Variants in CSNK1A1 observed in about 807,000 individuals in gnomAD.
CSNK1A1 encodes casein kinase I isoform alpha.
A neutral mutation model predicts 46.1 loss-of-function variants in CSNK1A1; 7 were observed. That is an observed-to-expected ratio of 0.15 (90% confidence interval 0.09 to 0.29). CSNK1A1 has a LOEUF of 0.29. Ranked by LOEUF, CSNK1A1 falls within the 10% of genes least tolerant of loss-of-function variation. CSNK1A1 has a pLI of 1.00. For missense variants in CSNK1A1, 96 were observed against 417.1 expected (o/e 0.23, Z 6.71); for synonymous variants, 137 against 141.5 (o/e 0.97, Z 0.23).
intron 5 of CSNK1A1, among the ~76,000 whole-genome samples, chr5:149,512,262 T>C (rs1761248928): frequency 6.6e-6 from 1 of 152,054 alleles, no homozygotes; most frequent in African/African-American, 2.4e-5. Flanking sequence ...AACATCTATA[T>C]GAATGTATTC....
chr5:149,520,494 C>T (rs1183911948), intron 3 of CSNK1A1, 106 bp from the exon 4 acceptor site: 3 of 638,170 alleles, frequency 4.7e-6, no homozygotes, highest in Non-Finnish European at 8.1e-6. Context: ...ACAAAGACAG[C>T]GCTAAAGAAA....
intron 2 of CSNK1A1, among the ~76,000 whole-genome samples, chr5:149,531,693 CA>C (rs60488526): frequency 0.3 from 41,110 of 136,414 alleles, 6,190 homozygotes; most frequent in East Asian, 0.47. Flanking sequence ...ACTAAAAATA[CA>C]AAAAAAAAAA....
At chr5:149,509,622 T>A (rs914540129) in intron 7 of CSNK1A1, among the ~76,000 whole-genome samples, 1 of 151,924 alleles carries the variant, frequency 6.6e-6, no homozygotes, top group African/African-American at 2.4e-5. Context: ...GCTGGTCTTG[T>A]GGAACTTCTG....
At chr5:149,508,501 A>G (rs1761108175) in intron 7 of CSNK1A1, among the ~76,000 whole-genome samples, 1 of 152,256 alleles carries the variant, frequency 6.6e-6, no homozygotes, top group African/African-American at 2.4e-5. Flanking sequence ...CTGAAAGACC[A>G]TATGGCCTTC....
intron 9 of CSNK1A1, chr5:149,498,622 T>A (rs1223165603): frequency 1.0e-6 from 1 of 985,094 alleles, no homozygotes; most frequent in Non-Finnish European, 1.2e-6. Context: ...TAAACAGAAT[T>A]CCCCCATCAG....
intron 2 of CSNK1A1, among the ~76,000 whole-genome samples, chr5:149,537,918 G>A (rs1762110360): frequency 6.6e-6 from 1 of 150,816 alleles, no homozygotes; most frequent in African/African-American, 2.5e-5. Context: ...ATTTTCAGCA[G>A]GAGACAAATT....
At chr5:149,505,344 G>T in intron 9 of CSNK1A1, 103 bp downstream of exon 9, 4 of 1,448,484 alleles carry the variant, frequency 2.8e-6, no homozygotes, top group Middle Eastern at 1.9e-4. Context: ...AAATTTTTAT[G>T]TATTTTAAAA....
intron 9 of CSNK1A1, chr5:149,501,559 T>A: frequency 1.0e-6 from 1 of 985,026 alleles, no homozygotes; most frequent in Non-Finnish European, 1.2e-6. Flanking sequence ...ATATTTGTAA[T>A]CCCCTCTGAA....
At chr5:149,532,039 T>G (rs1761917404) in intron 2 of CSNK1A1, among the ~76,000 whole-genome samples, 1 of 151,972 alleles carries the variant, frequency 6.6e-6, no homozygotes, top group Admixed American at 6.6e-5. Flanking sequence ...CGACCACTCC[T>G]GGCTGATTTT....
rs904075619 is a variant in CSNK1A1 at position 149,493,028 on chromosome 5, G to A, written c.*3825C>T. On this transcript the variant is annotated 3_prime_UTR_variant, in exon 10 of 10. Coordinates refer to ENST00000377843, the MANE Select transcript of CSNK1A1 (RefSeq NM_001892.6). ...TTGATAATTGACACAGATTTAGCAA[G>A]TATAATCCTTCAAGTGGCTCCTGTG... 3.9e-5 allele frequency: 6 copies of A among 152,204 alleles called. No homozygotes were observed. Among genetic ancestry groups the A allele is most frequent in the Admixed American group, 2.0e-4 (3 of 15,278 alleles). The allele number at this position is 152,204 out of a possible 1,614,324, so 9.4% of individuals were successfully genotyped here.
chr5:149,502,521 G>GC (rs1192253670), intron 9 of CSNK1A1: 4 of 112,516 alleles, frequency 3.6e-5, no homozygotes, highest in African/African-American at 1.7e-4. Context: ...TTTTTTTTTT[G>GC]GGGGGGGGGG....
intron 5 of CSNK1A1, among the ~76,000 whole-genome samples, chr5:149,512,736 A>G (rs1264739928): frequency 6.6e-6 from 1 of 152,228 alleles, no homozygotes; most frequent in Non-Finnish European, 1.5e-5. Flanking sequence ...AGCGTGAATT[A>G]CTAAAGTATA....
chr5:149,536,145 G>A (rs1762055873), intron 2 of CSNK1A1, among the ~76,000 whole-genome samples: 1 of 152,132 alleles, frequency 6.6e-6, no homozygotes, highest in Non-Finnish European at 1.5e-5. Flanking sequence ...TAGATATGGG[G>A]TTTCTCCATG....
intron 9 of CSNK1A1, among the ~76,000 whole-genome samples, chr5:149,499,967 C>CTTTTT (rs1162496799): frequency 2.8e-4 from 22 of 77,696 alleles, no homozygotes; most frequent in East Asian, 3.4e-4. Flanking sequence ...TTCTTTTTTT[C>CTTTTT]TTTTTTTTTT....
Position 149,536,788 on chromosome 5 carries a change from G to C in CSNK1A1, c.231-11617C>G, listed in dbSNP as rs186016762. Among the ~76,000 whole-genome samples, 262 of 152,282 alleles carry C rather than the reference G, an allele frequency of 1.7e-3. 1 individual carries two copies. Among genetic ancestry groups the C allele is most frequent in the African/African-American group, 5.9e-3 (246 of 41,540 alleles). ...TCAGTGACCAGACCATTAAAAAGTA[G>C]TCCAGTAAATCTGCAGTTAGGTTTA... On this transcript the variant is annotated intron_variant, in intron 2 of 9. Transcript: ENST00000377843.
chr5:149,497,197 C>T, intron 9 of CSNK1A1: 1 of 1,037,090 alleles, frequency 9.6e-7, no homozygotes, highest in South Asian at 4.2e-5. Flanking sequence ...TTTATCAAAT[C>T]AATGAAAAAC....
At chr5:149,502,528 G>GGC in intron 9 of CSNK1A1, 1 of 204,338 alleles carries the variant, frequency 4.9e-6, no homozygotes, top group Non-Finnish European at 7.6e-6. Context: ...TTTGGGGGGG[G>GGC]GGGGGTTGGG....
rs1319642094 is a variant in CSNK1A1 at position 149,494,741 on chromosome 5, C to A, written c.*2112G>T. On this transcript the variant is annotated 3_prime_UTR_variant, in exon 10 of 10. Coordinates refer to ENST00000377843, the MANE Select transcript of CSNK1A1 (RefSeq NM_001892.6). ...CAGATGGAATGACGATATACCAGGA[C>A]AAAAAACACCTATATTTTGATTTAC... The A allele has an allele frequency of 3.3e-5, 5 of 152,046 alleles. No individual in the cohort carries two copies. The highest frequency in any genetic ancestry group is 7.4e-5 in the Non-Finnish European group (5 of 67,994). 9.4% of individuals were successfully genotyped at this position (152,046 alleles called of 1,614,324 possible).
chr5:149,514,876 G>A (rs1312918041), intron 4 of CSNK1A1, among the ~76,000 whole-genome samples: 1 of 152,082 alleles, frequency 6.6e-6, no homozygotes, highest in Non-Finnish European at 1.5e-5. Flanking sequence ...ATGTTAACTG[G>A]ATGATGAAGA....
Sources: gnomAD v4.1 joint callset for allele counts (sites outside exome capture counted in the v4.1 genomes callset) on GRCh38, gnomAD v4.1.1 for gene constraint, MANE v1.5 for transcripts, NCBI Gene and HGNC (gene_info 2026-07-23, HGNC 2026-07-21) for gene names.